The following UNC79 variants were observed in gnomAD, a reference collection of about 807,000 sequenced individuals.
UNC79 encodes the protein protein unc-79 homolog.
Under a neutral mutation model 283.1 loss-of-function variants are expected in UNC79, and 37 were observed. That is an observed-to-expected ratio of 0.13 (90% CI 0.10 to 0.17). UNC79 has a LOEUF of 0.17. UNC79 is among the 10% of genes least tolerant of loss of function. UNC79 has a pLI of 1.00. For synonymous variants in UNC79, 1,107 were observed against 1,200.2 expected (o/e 0.92, Z 1.61); for missense variants, 2,272 against 3,211.1 (o/e 0.71, Z 7.07).
At chr14:93,572,192 T>C in intron 15 of UNC79, 108 bp downstream of exon 15, 1 of 1,229,226 alleles carries the variant, frequency 8.1e-7, no homozygotes, top group Non-Finnish European at 1.1e-6. Flanking sequence ...TAATCTCATT[T>C]ATTTTTTAAC....
chr14:93,487,195 A>G (rs978218221), intron 4 of UNC79, among the ~76,000 whole-genome samples: 5 of 152,214 alleles, frequency 3.3e-5, no homozygotes, highest in African/African-American at 9.6e-5. Flanking sequence ...TAACTAAATT[A>G]ATGTTATACA....
At chr14:93,644,974 A>G (rs1189093726) in intron 34 of UNC79, among the ~76,000 whole-genome samples, 1 of 152,158 alleles carries the variant, frequency 6.6e-6, no homozygotes, top group African/African-American at 2.4e-5. Flanking sequence ...GAGAAGATGA[A>G]TTACTTCATT....
intron 14 of UNC79, among the ~76,000 whole-genome samples, chr14:93,564,813 A>G (rs900782450): frequency 6.6e-6 from 1 of 152,136 alleles, no homozygotes; most frequent in Non-Finnish European, 1.5e-5. Context: ...AGCCAGGATG[A>G]GCCAGGAGAA....
chr14:93,411,061 A>G (rs551366144), intron 1 of UNC79, among the ~76,000 whole-genome samples: 150 of 152,216 alleles, frequency 9.9e-4, no homozygotes, highest in Non-Finnish European at 1.8e-3. Context: ...GTCTACCCTG[A>G]GTCAGAGGGG....
chr14:93,470,557 G>T (rs909540319), intron 2 of UNC79, among the ~76,000 whole-genome samples: 1 of 152,160 alleles, frequency 6.6e-6, no homozygotes, highest in Admixed American at 6.5e-5. Flanking sequence ...CCCAGAGAAG[G>T]GGATCAGTAA....
At chr14:93,540,745 C>T in exon 13 of UNC79, 1 of 1,613,774 alleles carries the variant, frequency 6.2e-7, no homozygotes, top group Non-Finnish European at 8.5e-7. Context: ...CTCTTCCCAC[C>T]ATTCCCTGGA....
intron 26 of UNC79, among the ~76,000 whole-genome samples, chr14:93,607,069 A>G (rs74073837): frequency 0.014 from 2,117 of 152,292 alleles, 60 homozygotes; most frequent in African/African-American, 0.049. Context: ...GATGGGATAC[A>G]CAATCTTTTT....
At chr14:93,357,702 T>TGG (rs2054118161) in intron 1 of UNC79, among the ~76,000 whole-genome samples, 1 of 125,168 alleles carries the variant, frequency 8.0e-6, no homozygotes, top group Non-Finnish European at 1.6e-5. Flanking sequence ...TATATATATA[T>TGG]ATATATATAT....
chr14:93,423,794 A>G (rs1443456326), intron 1 of UNC79, among the ~76,000 whole-genome samples: 6 of 152,166 alleles, frequency 3.9e-5, no homozygotes, highest in African/African-American at 1.4e-4. Flanking sequence ...TTTCTAGGAC[A>G]CTTAACTGGC....
chr14:93,518,414 C>T (rs2060170459), intron 7 of UNC79, among the ~76,000 whole-genome samples: 1 of 151,742 alleles, frequency 6.6e-6, no homozygotes, highest in African/African-American at 2.4e-5. Flanking sequence ...CCTTTCATTC[C>T]TGATATTGGT....
chr14:93,346,589 C>A (rs1024507966), intron 1 of UNC79, among the ~76,000 whole-genome samples: 2 of 152,202 alleles, frequency 1.3e-5, no homozygotes, highest in Non-Finnish European at 2.9e-5. Flanking sequence ...ATATCATCAG[C>A]CGACTATAGA....
chr14:93,621,513 G>T lies in UNC79; in HGVS notation c.4388-108G>T. The T allele has an allele frequency of 7.7e-7, 1 of 1,305,510 alleles. No individual in the cohort carries two copies. Among genetic ancestry groups the T allele is most frequent in the South Asian group, 2.3e-5 (1 of 42,640 alleles). The allele number at this position is 1,305,510 out of a possible 1,614,324, so 80.9% of individuals were successfully genotyped here. A position where few individuals can be genotyped will look rare whatever the true frequency, so the allele number is the denominator to read the frequency against. ...AGAAAGTTCGTTTTCCCTCCTGGTG[G>T]AGCTGGGATTGTGATGATGATTTAT... is the stretch of plus-strand genomic sequence containing the variant. On this transcript the variant is annotated intron_variant, in intron 29 of 48. Coordinates refer to ENST00000555664, the Ensembl canonical transcript of UNC79. The surrounding 1 kb of genome is among the most constrained non-coding windows in gnomAD (Gnocchi z 4.8).
intron 7 of UNC79, among the ~76,000 whole-genome samples, chr14:93,516,453 G>C (rs1157199255): frequency 6.7e-5 from 8 of 119,960 alleles, no homozygotes; most frequent in Admixed American, 2.8e-4. Context: ...TTTTTTTTGG[G>C]GGGGGGGGTG....
chr14:93,660,746 C>T (rs972885943), intron 39 of UNC79, among the ~76,000 whole-genome samples: 3 of 151,144 alleles, frequency 2.0e-5, no homozygotes, highest in African/African-American at 4.9e-5. Context: ...ATGCACCATA[C>T]ACCTGGCTAA....
chr14:93,338,364 T>C (rs973462638), intron 1 of UNC79, among the ~76,000 whole-genome samples: 20 of 152,258 alleles, frequency 1.3e-4, no homozygotes, highest in South Asian at 1.2e-3. Flanking sequence ...TTATAAACTT[T>C]CTAAGGTCTC....
At chr14:93,449,854 G>T (rs2140164856) in intron 1 of UNC79, among the ~76,000 whole-genome samples, 1 of 152,220 alleles carries the variant, frequency 6.6e-6, no homozygotes, top group East Asian at 1.9e-4. Context: ...CGAGTGAGGG[G>T]GATTAAATCA....
chr14:93,580,076 A>G, intron 18 of UNC79, 73 bp from the exon 19 acceptor site: 2 of 1,383,592 alleles, frequency 1.4e-6, no homozygotes, highest in South Asian at 2.8e-5. Context: ...ATATTGGACA[A>G]ATGGACCAAA....
At position 93,447,156 on chromosome 14, in the gene UNC79, T is replaced by A. The variant is rs113384977; in HGVS notation, c.22+16105T>A. On this transcript the variant is annotated intron_variant, in intron 1 of 48. Coordinates refer to ENST00000555664, the Ensembl canonical transcript of UNC79. ...TTATCCTTGTTAATATATTTTGCTT[T>A]GAAATGTATTTTATCTGATATTAAT... is the stretch of plus-strand genomic sequence containing the variant. Among the ~76,000 whole-genome samples, 408 of 152,304 alleles carry A rather than the reference T, an allele frequency of 2.7e-3. 1 individual carries two copies. The highest frequency in any genetic ancestry group is 9.3e-3 in the African/African-American group (386 of 41,568).
chr14:93,544,422 A>G (rs1229228761), intron 14 of UNC79, among the ~76,000 whole-genome samples: 1 of 152,204 alleles, frequency 6.6e-6, no homozygotes, highest in East Asian at 1.9e-4. Context: ...AATCCACAGG[A>G]AACTCCCTTT....
Sources: gnomAD v4.1 joint callset for allele counts (sites outside exome capture counted in the v4.1 genomes callset) on GRCh38, gnomAD v4.1.1 for gene constraint, Gnocchi (gnomAD v3.1) non-coding constraint, MANE v1.5 for transcripts, NCBI Gene and HGNC (gene_info 2026-07-23, HGNC 2026-07-21) for gene names.